Variants in HPSE2 observed in about 807,000 individuals in gnomAD.
HPSE2 encodes inactive heparanase-2.
A neutral mutation model predicts 60.5 loss-of-function variants in HPSE2; 38 were observed. That is an observed-to-expected ratio of 0.63 (90% confidence interval 0.48 to 0.82). The LOEUF (loss-of-function observed/expected upper bound fraction) is 0.82, where lower values mean the gene tolerates loss of function less well. Ranked by LOEUF, HPSE2 falls within the 40% of genes least tolerant of loss-of-function variation. The pLI, the probability that HPSE2 is intolerant of heterozygous loss-of-function variation, is 0.00. For missense variants in HPSE2, 713 were observed against 740.4 expected (o/e 0.96, Z 0.43); for synonymous variants, 295 against 293.2 (o/e 1.01, Z -0.06).
intron 4 of HPSE2, among the ~76,000 whole-genome samples, chr10:98,726,241 T>G (rs1009478851): frequency 6.6e-6 from 1 of 152,064 alleles, no homozygotes; most frequent in Non-Finnish European, 1.5e-5. Context: ...CACCCAAATG[T>G]CCAACAATGA....
intron 9 of HPSE2, among the ~76,000 whole-genome samples, chr10:98,565,064 C>A (rs1944301211): frequency 1.3e-5 from 2 of 151,990 alleles, no homozygotes; most frequent in Non-Finnish European, 2.9e-5. Flanking sequence ...GTCTACATAA[C>A]AACCTTATAT....
chr10:99,273,413 G>GAAAT, the HPSE2 span, among the ~76,000 whole-genome samples: 175 of 152,024 alleles, frequency 1.2e-3, 1 homozygote, highest in African/African-American at 3.7e-3. Flanking sequence ...AAAACCTATT[G>GAAAT]AAATAAATAA....
At chr10:98,982,358 G>A (rs1322603627) in intron 3 of HPSE2, among the ~76,000 whole-genome samples, 3 of 152,096 alleles carry the variant, frequency 2.0e-5, no homozygotes, top group African/African-American at 7.2e-5. Flanking sequence ...CAATAAAACA[G>A]ATGGAAGATC....
chr10:98,579,545 G>A (rs184417560), intron 9 of HPSE2, among the ~76,000 whole-genome samples: 14 of 152,122 alleles, frequency 9.2e-5, no homozygotes, highest in Admixed American at 9.2e-4. Flanking sequence ...TTTGTAAGAG[G>A]AGGTCATTAG....
chr10:99,061,783 C>T (rs146579162), intron 3 of HPSE2, among the ~76,000 whole-genome samples: 6 of 152,324 alleles, frequency 3.9e-5, no homozygotes, highest in Admixed American at 3.3e-4. Context: ...TGTTCCCTAT[C>T]TGCAAATACA....
intron 3 of HPSE2, among the ~76,000 whole-genome samples, chr10:98,981,435 C>T (rs1424282547): frequency 6.6e-6 from 1 of 152,152 alleles, no homozygotes; most frequent in African/African-American, 2.4e-5. Context: ...AGTCCCTTAA[C>T]ATCCTCATCT....
intron 3 of HPSE2, among the ~76,000 whole-genome samples, chr10:99,101,199 G>A (rs1229025390): frequency 1.3e-5 from 2 of 152,124 alleles, no homozygotes; most frequent in Non-Finnish European, 1.5e-5. Context: ...CTGGCAAACT[G>A]TATAAAGAGT....
chr10:99,208,183 G>A (rs1026327482), intron 2 of HPSE2, among the ~76,000 whole-genome samples: 18 of 151,536 alleles, frequency 1.2e-4, no homozygotes, highest in African/African-American at 3.2e-4. Flanking sequence ...AAAGCAAAAC[G>A]ATGGACAAAA....
chr10:98,825,823 C>T (rs1264202950), intron 3 of HPSE2, among the ~76,000 whole-genome samples: 1 of 152,146 alleles, frequency 6.6e-6, no homozygotes, highest in East Asian at 1.9e-4. Flanking sequence ...ACTCCTTTTC[C>T]CCCTTCTTTG....
chr10:99,197,914 T>C (rs1379629257), intron 2 of HPSE2, among the ~76,000 whole-genome samples: 3 of 151,750 alleles, frequency 2.0e-5, no homozygotes, highest in Admixed American at 6.6e-5. Flanking sequence ...CTACTAAAAA[T>C]ACAAAAATTA....
rs905598899 is a variant in HPSE2 at position 98,490,070 on chromosome 10, G to A, written c.1447C>T (p.His483Tyr). 1 of 1,614,204 alleles carries A rather than the reference G, an allele frequency of 6.2e-7. No homozygotes were observed. Among genetic ancestry groups the A allele is most frequent in the East Asian group, 2.2e-5 (1 of 44,888 alleles). Residue 483 changes from histidine to tyrosine, a missense_variant, in exon 10 of 12, where the codon CAC becomes TAC. Coordinates refer to ENST00000370552, the MANE Select transcript of HPSE2 (RefSeq NM_021828.5). ...ACTTACTTGTGGTGGTTTGTGCAGT[G>A]AGCATAAATCCTTAGTTTGTCCCGG... ...VIRDKLRIYA[H>Y]CTNHHNHNYV... is the part of the protein sequence containing the mutation.
chr10:99,051,177 G>T (rs192301852), intron 3 of HPSE2, among the ~76,000 whole-genome samples: 4 of 152,248 alleles, frequency 2.6e-5, no homozygotes, highest in Admixed American at 2.6e-4. Flanking sequence ...CAGCTACTTG[G>T]GAGGCTGAGG....
At chr10:98,675,557 C>CACAA (rs1316162729) in intron 6 of HPSE2, among the ~76,000 whole-genome samples, 2 of 151,554 alleles carry the variant, frequency 1.3e-5, no homozygotes, top group Non-Finnish European at 2.9e-5. Flanking sequence ...CACACACACA[C>CACAA]ACACACACAC....
chr10:99,013,466 TG>T (rs1481935260), intron 3 of HPSE2: 4 of 434,788 alleles, frequency 9.2e-6, no homozygotes, highest in African/African-American at 2.1e-5. Context: ...TATATTATTA[TG>T]ATTATGATTA....
At chr10:99,009,265 A>C (rs959723047) in intron 3 of HPSE2, among the ~76,000 whole-genome samples, 13 of 136,012 alleles carry the variant, frequency 9.6e-5, no homozygotes, top group Admixed American at 3.7e-4. Flanking sequence ...AAAAAAAAAA[A>C]AAACATTGCC....
chr10:99,068,640 T>C (rs1262381227), intron 3 of HPSE2, among the ~76,000 whole-genome samples: 2 of 151,918 alleles, frequency 1.3e-5, no homozygotes, highest in African/African-American at 2.4e-5. Context: ...AGAGTGCAAA[T>C]CAATTAAATG....
chr10:98,953,501 C>A (rs986693134), intron 3 of HPSE2, among the ~76,000 whole-genome samples: 3 of 152,170 alleles, frequency 2.0e-5, no homozygotes, highest in African/African-American at 4.8e-5. Context: ...CCTTCTACCC[C>A]CGATCTAGGT....
intron 3 of HPSE2, among the ~76,000 whole-genome samples, chr10:98,898,549 C>G (rs1953565286): frequency 6.6e-6 from 1 of 152,050 alleles, no homozygotes; most frequent in Admixed American, 6.6e-5. Context: ...GTAAAAAGAT[C>G]AGTGTTTCTA....
intron 3 of HPSE2, among the ~76,000 whole-genome samples, chr10:98,894,537 G>T (rs1304788695): frequency 2.0e-5 from 3 of 151,842 alleles, no homozygotes; most frequent in Non-Finnish European, 4.4e-5. Flanking sequence ...CAAAATTTCA[G>T]ACAATTAATG....
Sources: allele counts gnomAD v4.1 joint callset (sites outside exome capture counted in the v4.1 genomes callset), GRCh38; gene constraint gnomAD v4.1.1; transcripts MANE v1.5; gene names NCBI Gene and HGNC (gene_info 2026-07-23, HGNC 2026-07-21).